The following HMCN2 variants were observed in gnomAD, a reference collection of about 807,000 sequenced individuals.
HMCN2 encodes hemicentin-2.
Under a neutral mutation model 377.5 loss-of-function variants are expected in HMCN2, and 325 were observed. The observed-to-expected ratio is 0.86, with a 90% CI of 0.79 to 0.94. The LOEUF is 0.94. HMCN2 is among the 40% of genes least tolerant of loss of function. The pLI, the probability that HMCN2 is intolerant of heterozygous loss-of-function variation, is 0.00. For missense variants in HMCN2, 4,543 were observed against 4,725.3 expected, an observed-to-expected ratio of 0.96 and a Z score of 1.13; for synonymous variants, 2,007 against 2,046.8, an observed-to-expected ratio of 0.98 and a Z score of 0.53.
Position 130,425,914 on chromosome 9 carries a change from C to G in HMCN2, c.13869C>G (p.Ala4623=). Residue 4623 remains alanine, a synonymous_variant, in exon 90 of 98, where the codon GCC becomes GCG. Coordinates refer to ENST00000683500, the MANE Select transcript of HMCN2 (RefSeq NM_001291815.2). ...CCCTGCGCTTCCAGCTCGCTACAGC[C>G]CTGCAGGCGGGTGAGGCCCCTCTGC... ...AEALRFQLAT[A]LQAEENEVGC... is the part of the protein sequence containing the mutation. The G allele has an allele frequency of 6.5e-7, 1 of 1,547,904 alleles. No homozygotes were observed. The highest frequency in any genetic ancestry group is 1.4e-5 in the African/African-American group (1 of 73,104).
intron 21 of HMCN2, among the ~76,000 whole-genome samples, chr9:130,326,716 C>T (rs1328564521): frequency 6.6e-6 from 1 of 152,122 alleles, no homozygotes; most frequent in Non-Finnish European, 1.5e-5. Flanking sequence ...AGACAGGTAG[C>T]GAGTGCCTTC....
chr9:130,396,071 T>C lies in HMCN2; in HGVS notation c.11053+6T>C, dbSNP rs1330872040. 2.4e-6 allele frequency: 3 copies of C among 1,273,230 alleles called. No homozygotes were observed. The East Asian group carries it at 1.7e-4, about 72-fold the overall frequency. 78.9% of individuals were successfully genotyped at this position (1,273,230 alleles called of 1,614,324 possible). A position where few individuals can be genotyped will look rare whatever the true frequency, so the allele number is the denominator to read the frequency against. ...CTTCCGCGTGGAGATCCACAGTGAG[T>C]AGGGCCCGCCCCACCCCACCCTGCC... On this transcript the variant is annotated splice_donor_region_variant and intron_variant, in intron 72 of 97. Transcript: ENST00000683500.
rs1157190650 is a variant in HMCN2, at chr9:130,395,289, C to T, written c.10853C>T (p.Ser3618Leu). The change falls in exon 71 of 98, where the codon TCG (serine) becomes TTG (leucine). Residue 3618 changes from serine to leucine, a missense_variant. By Grantham distance (145) the Ser-to-Leu change is moderately radical. Transcript: ENST00000683500. Reference sequence around the variant, plus strand: ...CCAGGGCAGCTGGTCCTGGAGTGTTCGGTGGAGGCAGAGCCAGCGCCCAAG... The same window carrying T: ...CCAGGGCAGCTGGTCCTGGAGTGTTTGGTGGAGGCAGAGCCAGCGCCCAAG... ...LAPGQLVLEC[S>L]VEAEPAPKIT... The T allele has an allele frequency of 4.7e-6, 6 of 1,289,398 alleles. No individual in the cohort carries two copies. The African/African-American group carries it at 6.1e-5, about 13-fold the overall frequency. The allele number at this position is 1,289,398 out of a possible 1,614,324, so 79.9% of individuals were successfully genotyped here. A position where few individuals can be genotyped will look rare whatever the true frequency, so the allele number is the denominator to read the frequency against.
At chr9:130,395,467 A>G (rs1842564924) in intron 71 of HMCN2, 120 bp downstream of exon 71, 2 of 865,830 alleles carry the variant, frequency 2.3e-6, no homozygotes, top group Non-Finnish European at 3.1e-6. Flanking sequence ...TGCACTTTGC[A>G]CCCTGTTCCC....
Position 130,348,683 on chromosome 9 carries a change from T to TC in HMCN2, c.4155+13dup. On this transcript the variant is annotated intron_variant, in intron 27 of 97. Transcript: ENST00000683500. The stretch of plus-strand genomic sequence containing the variant: ...CTGAAGGACGCGCAGCTGGTGGGTG[T>TC]CCCCCTAGGGTGGGCGGGGTATGGG... The TC allele has an allele frequency of 6.4e-6, 3 of 468,262 alleles. No individual in the cohort carries two copies. The highest frequency in any genetic ancestry group is 1.3e-5 in the Non-Finnish European group (3 of 238,708). The allele number at this position is 468,262 out of a possible 1,614,324, so 29.0% of individuals were successfully genotyped here.
chr9:130,378,381 G>C (rs945759535), intron 53 of HMCN2, among the ~76,000 whole-genome samples: 1 of 105,366 alleles, frequency 9.5e-6, no homozygotes, highest in Non-Finnish European at 2.0e-5. Flanking sequence ...TGGTAGGCTG[G>C]GATGGGGAGG....
At chr9:130,370,156 T>C (rs1840937255) in intron 45 of HMCN2, among the ~76,000 whole-genome samples, 1 of 152,180 alleles carries the variant, frequency 6.6e-6, no homozygotes, top group Non-Finnish European at 1.5e-5. Flanking sequence ...CTGTCCTGCA[T>C]GACTGGTATG....
At chr9:130,396,803 G>A (rs552808913) in intron 73 of HMCN2, among the ~76,000 whole-genome samples, 102 of 152,310 alleles carry the variant, frequency 6.7e-4, no homozygotes, top group Middle Eastern at 3.4e-3. Context: ...GGCCAGGGGC[G>A]GGATTGCACA....
chr9:130,415,881 C>T (rs1219850801), intron 85 of HMCN2, among the ~76,000 whole-genome samples: 1 of 152,184 alleles, frequency 6.6e-6, no homozygotes, highest in African/African-American at 2.4e-5. Context: ...CCTTTTGGCT[C>T]CTACCAGTTT....
chr9:130,290,593 C>T (rs782074565), intron 4 of HMCN2, among the ~76,000 whole-genome samples: 7 of 152,154 alleles, frequency 4.6e-5, no homozygotes, highest in African/African-American at 7.2e-5. Flanking sequence ...ACATGTTCGG[C>T]GGGCTTCTGT....
intron 90 of HMCN2, 60 bp downstream of exon 90, chr9:130,425,984 C>A: frequency 3.1e-6 from 4 of 1,272,198 alleles, no homozygotes; most frequent in African/African-American, 1.5e-5. Flanking sequence ...CCAGGGGGCC[C>A]AAATGCACGT....
intron 22 of HMCN2, among the ~76,000 whole-genome samples, chr9:130,331,775 G>A (rs1380313077): frequency 1.3e-5 from 2 of 152,234 alleles, no homozygotes; most frequent in Non-Finnish European, 2.9e-5. Flanking sequence ...CCGATGAGGA[G>A]ATGGGACGGC....
At position 130,425,087 on chromosome 9, in the gene HMCN2, G is replaced by A; in HGVS notation, c.13598G>A (p.Gly4533Asp). Reference protein sequence around the residue: ...GLLLLDVVVNGVVPESLADAD... With the variant: ...GLLLLDVVVNDVVPESLADAD... ...CTGCTCCTCGACGTGGTGGTCAATG[G>A]CGTTGTCCCCGAGAGCCTGGCTGAC... Residue 4533 changes from glycine (G) to aspartate (D), a missense_variant, in exon 89 of 98, where the codon GGC becomes GAC. Transcript: ENST00000683500. The A allele has an allele frequency of 2.6e-6, 4 of 1,550,100 alleles. No individual in the cohort carries two copies. The highest frequency in any genetic ancestry group is 8.7e-7 in the Non-Finnish European group (1 of 1,146,876).
intron 22 of HMCN2, among the ~76,000 whole-genome samples, chr9:130,333,750 A>G (rs975866844): frequency 9.9e-5 from 15 of 152,114 alleles, no homozygotes; most frequent in African/African-American, 3.6e-4. Flanking sequence ...GTAGCGGGAG[A>G]GTGGTAGGGG....
chr9:130,408,418 AAGAGAGTAT>A (rs1843222279), intron 83 of HMCN2, among the ~76,000 whole-genome samples: 1 of 152,152 alleles, frequency 6.6e-6, no homozygotes, highest in Admixed American at 6.5e-5. Flanking sequence ...CCATCTGTGA[AAGAGAGTAT>A]ATGACACGCG....
chr9:130,408,983 G>A (rs1348785099), intron 84 of HMCN2, 50 bp downstream of exon 84: 5 of 1,209,540 alleles, frequency 4.1e-6, no homozygotes, highest in South Asian at 4.0e-5. Flanking sequence ...ACAACTCTAC[G>A]CTTTTTCAGA....
intron 8 of HMCN2, among the ~76,000 whole-genome samples, chr9:130,300,438 T>C (rs1247637189): frequency 6.6e-6 from 1 of 152,246 alleles, no homozygotes. Flanking sequence ...GAGTCACCAT[T>C]TGGACACTTT....
At position 130,407,562 on chromosome 9, in the gene HMCN2, C is replaced by T. The variant is rs991421455; in HGVS notation, c.12554-9C>T. 1.7e-5 allele frequency: 22 copies of T among 1,289,176 alleles called. No homozygotes were observed. In the African/African-American group the frequency reaches 2.9e-4, roughly 17 times the overall value. 79.9% of individuals were successfully genotyped at this position (1,289,176 alleles called of 1,614,324 possible). ...TTCCCTGCACCCGACTTCTCTTTCT[C>T]CACCACAGAAGGGGTGTCTGAGCAG... On this transcript the variant is annotated splice_polypyrimidine_tract_variant and intron_variant, in intron 82 of 97. Transcript: ENST00000683500.
chr9:130,324,387 T>C (rs1838015241), intron 19 of HMCN2, among the ~76,000 whole-genome samples: 1 of 152,150 alleles, frequency 6.6e-6, no homozygotes, highest in Non-Finnish European at 1.5e-5. Context: ...TTAAGAGCAG[T>C]TTAAGTTTAT....
Sources: allele counts gnomAD v4.1 joint callset (sites outside exome capture counted in the v4.1 genomes callset), GRCh38; gene constraint gnomAD v4.1.1; transcripts MANE v1.5; gene names NCBI Gene and HGNC (gene_info 2026-07-23, HGNC 2026-07-21).